Variants in DMXL2 observed in about 807,000 individuals in gnomAD.
DMXL2 encodes Dmx like 2.
DMXL2 carries 103 observed loss-of-function variants against 331.1 expected under a neutral mutation model. The ratio of observed to expected loss-of-function variants is 0.31; its 90% confidence interval spans 0.27 to 0.37. The LOEUF is 0.37. Ranked by LOEUF, DMXL2 falls within the 10% of genes least tolerant of loss-of-function variation. The probability of loss-of-function intolerance (pLI) is 1.00; values close to 1 mark genes in which losing one functional copy is unlikely to be tolerated. For missense variants in DMXL2, 3,171 were observed against 3,642.9 expected, an observed-to-expected ratio of 0.87 and a Z score of 3.33; for synonymous variants, 1,281 against 1,252.1, an observed-to-expected ratio of 1.02 and a Z score of -0.49.
intron 13 of DMXL2, among the ~76,000 whole-genome samples, chr15:51,531,889 T>C (rs2048023042): frequency 6.6e-6 from 1 of 152,142 alleles, no homozygotes; most frequent in Non-Finnish European, 1.5e-5. Flanking sequence ...TTGGCATAGA[T>C]GTGGAGAAAA....
intron 1 of DMXL2, among the ~76,000 whole-genome samples, chr15:51,582,164 A>C (rs917972439): frequency 6.6e-6 from 1 of 152,088 alleles, no homozygotes; most frequent in Non-Finnish European, 1.5e-5. Context: ...CTATATTCCT[A>C]ATCTTTCTTT....
chr15:51,609,926 G>T (rs1213582135), intron 1 of DMXL2, among the ~76,000 whole-genome samples: 1 of 115,900 alleles, frequency 8.6e-6, no homozygotes, highest in Non-Finnish European at 1.9e-5. Flanking sequence ...GTGAAAGTCA[G>T]TCTTAAAAAA....
chr15:51,491,989 C>T (rs535510425), intron 19 of DMXL2, among the ~76,000 whole-genome samples: 1 of 152,242 alleles, frequency 6.6e-6, no homozygotes, highest in Admixed American at 6.5e-5. Context: ...ATTTCCCCTA[C>T]AAAAATAGGG....
chr15:51,480,393 G>C, intron 24 of DMXL2, 149 bp downstream of exon 24: 2 of 1,011,410 alleles, frequency 2.0e-6, no homozygotes, highest in Non-Finnish European at 2.7e-6. Flanking sequence ...AAGACACATA[G>C]AGTATAAATA....
At chr15:51,572,148 A>G (rs1215206828) in intron 2 of DMXL2, among the ~76,000 whole-genome samples, 2 of 151,772 alleles carry the variant, frequency 1.3e-5, no homozygotes, top group East Asian at 3.9e-4. Flanking sequence ...CAGAGAATAC[A>G]ATAAACACCT....
intron 3 of DMXL2, among the ~76,000 whole-genome samples, chr15:51,566,232 G>GGGGTGTGT (rs1241117355): frequency 6.9e-6 from 1 of 144,728 alleles, no homozygotes; most frequent in African/African-American, 2.6e-5. Flanking sequence ...GTGTGTGTGG[G>GGGGTGTGT]GTGTGTGTGT....
intron 1 of DMXL2, among the ~76,000 whole-genome samples, chr15:51,607,790 G>GA (rs2053691797): frequency 6.6e-6 from 1 of 152,186 alleles, no homozygotes; most frequent in Non-Finnish European, 1.5e-5. Flanking sequence ...CGTCTCAACA[G>GA]AAACAGTAGA....
At chr15:51,452,562 A>G (rs55732730) in intron 41 of DMXL2, among the ~76,000 whole-genome samples, 3 of 152,342 alleles carry the variant, frequency 2.0e-5, no homozygotes, top group Non-Finnish European at 2.9e-5. Flanking sequence ...TATTCCTGCA[A>G]GAATGGCCAT....
At chr15:51,526,816 T>C (rs2047701362) in intron 13 of DMXL2, among the ~76,000 whole-genome samples, 1 of 152,198 alleles carries the variant, frequency 6.6e-6, no homozygotes, top group Non-Finnish European at 1.5e-5. Flanking sequence ...GAAGAAATAA[T>C]TTATGAGTTT....
intron 20 of DMXL2, 151 bp downstream of exon 20, chr15:51,491,427 G>T: frequency 3.0e-6 from 2 of 669,970 alleles, no homozygotes; most frequent in South Asian, 2.0e-5. Context: ...GGCGACAAGA[G>T]CGAAATTCCA....
At chr15:51,523,502 A>C (rs1285051104) in intron 13 of DMXL2, among the ~76,000 whole-genome samples, 1 of 152,224 alleles carries the variant, frequency 6.6e-6, no homozygotes, top group Non-Finnish European at 1.5e-5. Flanking sequence ...ATGTCCACCC[A>C]GCATCTCGGA....
chr15:51,620,986 T>A (rs1361683651), intron 1 of DMXL2, among the ~76,000 whole-genome samples: 1 of 152,322 alleles, frequency 6.6e-6, no homozygotes, highest in South Asian at 2.1e-4. Context: ...CAGGAAAATA[T>A]AACCAAAGAT....
intron 6 of DMXL2, among the ~76,000 whole-genome samples, chr15:51,552,256 G>C (rs1472886550): frequency 6.6e-6 from 1 of 152,006 alleles, no homozygotes; most frequent in African/African-American, 2.4e-5. Context: ...ATTAAAAGGT[G>C]GTGAAAAGGA....
At chr15:51,519,023 AAAC>A (rs1382501710) in intron 13 of DMXL2, among the ~76,000 whole-genome samples, 1 of 152,226 alleles carries the variant, frequency 6.6e-6, no homozygotes, top group Non-Finnish European at 1.5e-5. Flanking sequence ...AAATTAATGT[AAAC>A]AATCCATAAT....
In DMXL2 at chr15:51,499,416, C is replaced by A. The variant is rs2043424820; in HGVS notation, c.3808G>T (p.Val1270Leu). 6.2e-7 allele frequency: 1 copy of A among 1,613,960 alleles called. No homozygotes were observed. The highest frequency in any genetic ancestry group is 1.1e-5 in the South Asian group (1 of 91,084). ...LVVGMDCEMHVYAQWKHAVKF... is the reference protein window; with the variant it reads ...LVVGMDCEMHLYAQWKHAVKF... ...ACAGCATGCTTCCACTGTGCATATA[C>A]ATGCATTTCACAATCCATTCCTACC... The change falls in exon 18 of 44, where the codon GTA becomes TTA. Residue 1270 changes from valine (V) to leucine (L), a missense_variant. Transcript: ENST00000560891.
rs774806030 is a variant in DMXL2, at chr15:51,495,124, T to C, written c.4683A>G (p.Thr1561=). 2.5e-5 allele frequency: 40 copies of C among 1,610,048 alleles called. 1 individual carries two copies. Among genetic ancestry groups the C allele is most frequent in the Admixed American group, 6.7e-5 (4 of 59,872 alleles). The change falls in exon 19 of 44, where the codon ACA becomes ACG. Residue 1561 remains threonine (T), a synonymous_variant. Transcript: ENST00000560891. ...SRDKSCSGRD[T]LDECGLRYLL... The stretch of plus-strand genomic sequence containing the variant: ...AGTATCTCAAACCACACTCATCTAA[T>C]GTATCTCTTCCTGTAATTTAAACAG...
chr15:51,554,865 A>ATGTTGGGTGT (rs2049452310), intron 6 of DMXL2, among the ~76,000 whole-genome samples: 1 of 152,208 alleles, frequency 6.6e-6, no homozygotes, highest in Non-Finnish European at 1.5e-5. Context: ...CATTTTAAAA[A>ATGTTGGGTGT]GATCACTCCA....
rs867765971 is a variant in DMXL2, at chr15:51,453,635, G to A, written c.8611C>T (p.Gln2871Ter). 2.5e-6 allele frequency: 4 copies of A among 1,612,058 alleles called. No homozygotes were observed. Residue 2871 changes from glutamine to a stop codon, truncating the protein, a stop_gained, in exon 41 of 44, where the codon CAG becomes TAG. Coordinates refer to ENST00000560891, the MANE Select transcript of DMXL2 (RefSeq NM_001378457.1). LOFTEE classifies it high-confidence loss of function. Reference sequence around the variant, plus strand: ...TCACTTGTGGCTTTACTGTGGCACTGCCAACTCTACGAAAAACAAAGTGCA... The same window carrying A: ...TCACTTGTGGCTTTACTGTGGCACTACCAACTCTACGAAAAACAAAGTGCA... ...ASNPKPYMSW[Q>*]CHSKATSDFA...
intron 20 of DMXL2, among the ~76,000 whole-genome samples, chr15:51,490,160 A>G (rs1275317246): frequency 6.6e-6 from 1 of 152,326 alleles, no homozygotes; most frequent in African/African-American, 2.4e-5. Flanking sequence ...TTTTGAGAAA[A>G]GAAATACTGA....
Sources: allele counts gnomAD v4.1 joint callset (sites outside exome capture counted in the v4.1 genomes callset), GRCh38; gene constraint gnomAD v4.1.1; transcripts MANE v1.5; gene names NCBI Gene and HGNC (gene_info 2026-07-23, HGNC 2026-07-21).